GRIK2: variants seen among roughly 807,000 people sequenced by gnomAD.
GRIK2 encodes the protein glutamate ionotropic receptor kainate type subunit 2.
Under a neutral mutation model 100.3 loss-of-function variants are expected in GRIK2, and 32 were observed. That is an observed-to-expected ratio of 0.32 (90% CI 0.24 to 0.43). GRIK2 has a LOEUF of 0.43. Ranked by LOEUF, GRIK2 falls within the 20% of genes least tolerant of loss-of-function variation. The pLI is 1.00. For missense variants in GRIK2, 843 were observed against 1,114.9 expected (o/e 0.76, Z 3.47); for synonymous variants, 417 against 389.4 (o/e 1.07, Z -0.83).
intron 12 of GRIK2, chr6:101,890,161 G>A (rs1421613615): frequency 1.3e-5 from 3 of 223,536 alleles, no homozygotes; most frequent in East Asian, 9.5e-5. Flanking sequence ...GCCTCACTTC[G>A]AAGATTTCTG....
chr6:101,879,293 A>T (rs1786081964), intron 11 of GRIK2, among the ~76,000 whole-genome samples: 1 of 152,048 alleles, frequency 6.6e-6, no homozygotes, highest in South Asian at 2.1e-4. Flanking sequence ...TGCTGTTTTA[A>T]TTCATGGTTT....
At chr6:101,838,867 G>A (rs970929873) in intron 10 of GRIK2, among the ~76,000 whole-genome samples, 2 of 151,922 alleles carry the variant, frequency 1.3e-5, no homozygotes, top group African/African-American at 4.8e-5. Flanking sequence ...TGGCCAGGCT[G>A]GTCTCAAACT....
At chr6:102,050,665 A>C (rs1771127228) in intron 15 of GRIK2, among the ~76,000 whole-genome samples, 1 of 151,410 alleles carries the variant, frequency 6.6e-6, no homozygotes, top group African/African-American at 2.4e-5. Context: ...AAAAAAAAAA[A>C]AACGGAATAA....
intron 14 of GRIK2, among the ~76,000 whole-genome samples, chr6:102,006,202 CAT>C (rs1467717965): frequency 6.6e-6 from 1 of 151,540 alleles, no homozygotes; most frequent in Non-Finnish European, 1.5e-5. Flanking sequence ...AAAAATATAA[CAT>C]TGTGTAATAA....
At chr6:101,866,556 A>G (rs949693728) in intron 11 of GRIK2, among the ~76,000 whole-genome samples, 1 of 152,128 alleles carries the variant, frequency 6.6e-6, no homozygotes, top group Non-Finnish European at 1.5e-5. Flanking sequence ...TCTCCAAAAA[A>G]TTTTTACTAA....
chr6:101,410,443 G>A (rs951068904), intron 2 of GRIK2, among the ~76,000 whole-genome samples: 2 of 151,942 alleles, frequency 1.3e-5, no homozygotes, highest in African/African-American at 4.8e-5. Context: ...TACTTTTTAA[G>A]GTAGAACAGA....
At chr6:101,590,030 CTG>C (rs1778567599) in intron 2 of GRIK2, among the ~76,000 whole-genome samples, 1 of 152,060 alleles carries the variant, frequency 6.6e-6, no homozygotes, top group African/African-American at 2.4e-5. Context: ...GTATATAAAA[CTG>C]TATTTTCCTG....
At chr6:101,514,914 A>T (rs1048099133) in intron 2 of GRIK2, among the ~76,000 whole-genome samples, 16 of 152,230 alleles carry the variant, frequency 1.1e-4, no homozygotes, top group African/African-American at 3.6e-4. Flanking sequence ...TTATTTTTCC[A>T]GAGGTTATTG....
At chr6:101,554,863 TCCCCCA>T (rs1776666670) in intron 2 of GRIK2, among the ~76,000 whole-genome samples, 1 of 151,028 alleles carries the variant, frequency 6.6e-6, no homozygotes, top group Non-Finnish European at 1.5e-5. Flanking sequence ...CTTTTTTTTT[TCCCCCA>T]AAATCAACCA....
chr6:101,714,198 T>G (rs1773909417), intron 7 of GRIK2, among the ~76,000 whole-genome samples: 1 of 151,720 alleles, frequency 6.6e-6, no homozygotes, highest in South Asian at 2.1e-4. Context: ...AGTTCTTTTT[T>G]TTGTCAGGAG....
chr6:102,060,183 A>C (rs1771676561), intron 16 of GRIK2, among the ~76,000 whole-genome samples: 1 of 150,728 alleles, frequency 6.6e-6, no homozygotes, highest in Non-Finnish European at 1.5e-5. Flanking sequence ...ATTATAGAAC[A>C]CTGGCAAATT....
rs558761438 is a variant in GRIK2, at chr6:101,454,638, C to G, written c.115+55246C>G. On this transcript the variant is annotated intron_variant, in intron 2 of 16. Coordinates refer to ENST00000369134, the MANE Select transcript of GRIK2 (RefSeq NM_021956.5). ...ATTTTTTTTATTTCTAAAACTAAACCTTTGGTCAGTCCAAACCATTAGCTT... is the reference window on the plus strand; with the variant it reads ...ATTTTTTTTATTTCTAAAACTAAACGTTTGGTCAGTCCAAACCATTAGCTT... Among the ~76,000 whole-genome samples, 3 of 152,058 alleles carry G rather than the reference C, an allele frequency of 2.0e-5. No individual in the cohort carries two copies. In the South Asian group the frequency reaches 6.2e-4, roughly 31 times the overall value.
intron 7 of GRIK2, among the ~76,000 whole-genome samples, chr6:101,710,713 C>CGTAG (rs1390113042): frequency 3.3e-5 from 5 of 151,760 alleles, no homozygotes; most frequent in Non-Finnish European, 7.4e-5. Flanking sequence ...TTCCTTTCCG[C>CGTAG]GTAGGCTGTC....
chr6:101,474,931 G>A (rs1772151048), intron 2 of GRIK2, among the ~76,000 whole-genome samples: 1 of 151,742 alleles, frequency 6.6e-6, no homozygotes. Flanking sequence ...TTACATCAGT[G>A]ATTTTTTTTC....
At chr6:101,450,229 A>G (rs1415966195) in intron 2 of GRIK2, among the ~76,000 whole-genome samples, 2 of 151,656 alleles carry the variant, frequency 1.3e-5, no homozygotes, top group Non-Finnish European at 3.0e-5. Flanking sequence ...TTGTAGCTCT[A>G]GTAATAATAG....
chr6:101,861,848 A>G (rs1333899868), intron 11 of GRIK2, among the ~76,000 whole-genome samples: 1 of 152,146 alleles, frequency 6.6e-6, no homozygotes, highest in African/African-American at 2.4e-5. Context: ...GAAAATACAT[A>G]CAAATTTATT....
chr6:101,539,772 G>A lies in GRIK2; in HGVS notation c.116-82177G>A, dbSNP rs114547017. 6.9e-3 allele frequency among the ~76,000 whole-genome samples: 1,049 copies of A among 151,588 alleles called. 14 individuals carry two copies. Among genetic ancestry groups the A allele is most frequent in the African/African-American group, 0.024 (1,000 of 41,418 alleles). On this transcript the variant is annotated intron_variant, in intron 2 of 16. Coordinates refer to ENST00000369134, the MANE Select transcript of GRIK2 (RefSeq NM_021956.5). The stretch of plus-strand genomic sequence containing the variant: ...CATGTTCGTACATGAAAAAAATTTT[G>A]TTTTGGCTGTAGGATTTTTTTTTAA...
intron 14 of GRIK2, among the ~76,000 whole-genome samples, chr6:102,011,044 G>A (rs1035180437): frequency 1.3e-5 from 2 of 152,086 alleles, no homozygotes; most frequent in African/African-American, 4.8e-5. Flanking sequence ...TCGTTAGGGT[G>A]AATATCAAGA....
chr6:101,740,688 G>T (rs1056854503), intron 7 of GRIK2, among the ~76,000 whole-genome samples: 7 of 152,176 alleles, frequency 4.6e-5, no homozygotes, highest in African/African-American at 1.7e-4. Flanking sequence ...AAGAAGCTTG[G>T]CTCCAGCCAG....
Sources: allele counts gnomAD v4.1 joint callset (sites outside exome capture counted in the v4.1 genomes callset), GRCh38; gene constraint gnomAD v4.1.1; transcripts MANE v1.5; gene names NCBI Gene and HGNC (gene_info 2026-07-23, HGNC 2026-07-21).